The following FN1 variants were observed in gnomAD, a reference collection of about 807,000 sequenced individuals.
FN1 encodes the protein fibronectin.
In FN1, 106 loss-of-function variants were observed where a neutral mutation model predicts 297.3. The observed-to-expected ratio is 0.36, with a 90% CI of 0.30 to 0.42. The LOEUF is 0.42. Ranked by LOEUF, FN1 falls within the 10% of genes least tolerant of loss-of-function variation. The probability of loss-of-function intolerance (pLI) is 1.00; values close to 1 mark genes in which losing one functional copy is unlikely to be tolerated. For missense variants in FN1, 2,690 were observed against 3,124.9 expected (o/e 0.86, Z 3.32); for synonymous variants, 1,149 against 1,152.6 (o/e 1.00, Z 0.06).
intron 12 of FN1, among the ~76,000 whole-genome samples, chr2:215,416,206 G>A (rs1415141144): frequency 2.6e-5 from 4 of 152,102 alleles, no homozygotes; most frequent in African/African-American, 9.7e-5. Context: ...TTCCACACCA[G>A]TAACAATTCA....
chr2:215,434,934 C>CAAAGT, intron 1 of FN1, 110 bp from the exon 2 acceptor site: 8 of 1,253,226 alleles, frequency 6.4e-6, no homozygotes, highest in Non-Finnish European at 9.2e-6. Context: ...TTTAACTTTG[C>CAAAGT]TAAAAGTTAT....
At chr2:215,371,131 G>A (rs1051937996) in intron 40 of FN1, among the ~76,000 whole-genome samples, 9 of 152,014 alleles carry the variant, frequency 5.9e-5, no homozygotes, top group East Asian at 1.9e-4. Context: ...AGCTGGGTGC[G>A]GTGGCACATG....
chr2:215,397,354 T>C (rs1445797746), intron 22 of FN1, 131 bp from the exon 23 acceptor site: 1 of 686,718 alleles, frequency 1.5e-6, no homozygotes, highest in Non-Finnish European at 2.6e-6. Flanking sequence ...AAAATATAGG[T>C]TACATTATGA....
At chr2:215,426,200 G>A (rs1236072447) in intron 6 of FN1, among the ~76,000 whole-genome samples, 1 of 133,910 alleles carries the variant, frequency 7.5e-6, no homozygotes, top group Non-Finnish European at 1.5e-5. Context: ...CCAGGCTGGA[G>A]TGCAGTGGCG....
At chr2:215,400,399 A>G (rs1377405010) in intron 20 of FN1, among the ~76,000 whole-genome samples, 1 of 152,162 alleles carries the variant, frequency 6.6e-6, no homozygotes, top group Non-Finnish European at 1.5e-5. Flanking sequence ...ATCAGGAATT[A>G]TAACAAATTT....
intron 12 of FN1, 127 bp downstream of exon 12, chr2:215,419,115 T>C: frequency 2.7e-6 from 2 of 741,140 alleles, no homozygotes; most frequent in East Asian, 2.7e-5. Context: ...GATTATTAGA[T>C]AATAACAAGA....
intron 41 of FN1, among the ~76,000 whole-genome samples, chr2:215,369,334 A>T (rs1210448621): frequency 1.3e-5 from 2 of 152,192 alleles, no homozygotes; most frequent in Admixed American, 1.3e-4. Context: ...ATTACTGTGG[A>T]TATGTAATAC....
intron 26 of FN1, among the ~76,000 whole-genome samples, chr2:215,389,163 G>T (rs1472329712): frequency 6.6e-6 from 1 of 152,054 alleles, no homozygotes; most frequent in African/African-American, 2.4e-5. Flanking sequence ...GAGTGCAGTG[G>T]TGTGATCTTG....
intron 5 of FN1, 65 bp from the exon 6 acceptor site, chr2:215,428,403 A>G (rs1481162781): frequency 2.8e-6 from 4 of 1,429,566 alleles, no homozygotes; most frequent in Non-Finnish European, 3.9e-6. Context: ...ATTCAAACTT[A>G]AAAAAGGAAT....
chr2:215,384,271 G>T, intron 29 of FN1, 87 bp from the exon 30 acceptor site: 2 of 1,285,622 alleles, frequency 1.6e-6, no homozygotes, highest in Non-Finnish European at 2.3e-6. Context: ...ATTTATAGCA[G>T]CATGTAAATC....
intron 32 of FN1, chr2:215,381,309 C>T (rs1475707453): frequency 5.2e-6 from 3 of 571,830 alleles, no homozygotes; most frequent in Non-Finnish European, 9.4e-6. Flanking sequence ...TAAGCAGATA[C>T]CCTGCAAAAT....
At chr2:215,394,907 T>G (rs1474979934) in intron 23 of FN1, among the ~76,000 whole-genome samples, 188 bp from the exon 24 acceptor site, 1 of 152,118 alleles carries the variant, frequency 6.6e-6, no homozygotes, top group African/African-American at 2.4e-5. Context: ...CACTTTATTT[T>G]TTTATTTTTA....
At chr2:215,426,056 T>C (rs934636457) in intron 6 of FN1, among the ~76,000 whole-genome samples, 9 of 152,212 alleles carry the variant, frequency 5.9e-5, no homozygotes, top group East Asian at 1.9e-4. Context: ...TGTGATTCTA[T>C]TGTGTTTTTT....
At chr2:215,425,764 CAAACTCCTGACCTCAAACT>C (rs1470586725) in intron 6 of FN1, among the ~76,000 whole-genome samples, 6,209 of 150,912 alleles carry the variant, frequency 0.041, 426 homozygotes, top group African/African-American at 0.15. Context: ...GCCATGTTGG[CAAACTCCTGACCTCAAACT>C]CCTGTCTCAA....
intron 3 of FN1, among the ~76,000 whole-genome samples, chr2:215,432,259 G>A (rs541277575): frequency 1.3e-5 from 2 of 152,246 alleles, no homozygotes; most frequent in African/African-American, 4.8e-5. Flanking sequence ...AGAAAAGAAA[G>A]GCTGGGAGGC....
intron 35 of FN1, among the ~76,000 whole-genome samples, chr2:215,377,524 T>TC (rs2057519900): frequency 6.6e-6 from 1 of 151,990 alleles, no homozygotes; most frequent in Non-Finnish European, 1.5e-5. Flanking sequence ...ATGTGCCTGC[T>TC]CCCCCTTGGC....
chr2:215,362,293 A>G (rs574355866), intron 44 of FN1: 5 of 562,192 alleles, frequency 8.9e-6, no homozygotes, highest in Admixed American at 5.7e-5. Flanking sequence ...CTGTCTCTCT[A>G]TGTTGTTTCT....
intron 33 of FN1, chr2:215,380,417 T>G (rs1022901216): frequency 3.9e-6 from 1 of 253,660 alleles, no homozygotes; most frequent in Non-Finnish European, 7.7e-6. Context: ...CCACGTGTGC[T>G]CAGAATCATG....
Position 215,414,887 on chromosome 2 carries a change from T to C in FN1, c.1891A>G (p.Asn631Asp). The change falls in exon 13 of 46, where the codon AAT (asparagine) becomes GAT (aspartate). Residue 631 changes from asparagine (N) to aspartate (D), a missense_variant. Transcript: ENST00000354785. ...SQPNSHPIQWNAPQPSHISKY... is the reference protein window; with the variant it reads ...SQPNSHPIQWDAPQPSHISKY... The stretch of plus-strand genomic sequence containing the variant: ...GAAATGTGAGATGGCTGTGGTGCAT[T>C]CCACTGGATGGGGTGGGAGTTGGGC... 3.1e-6 allele frequency: 5 copies of C among 1,613,758 alleles called. No individual in the cohort carries two copies. The highest frequency in any genetic ancestry group is 4.2e-6 in the Non-Finnish European group (5 of 1,179,726).
Sources: gnomAD v4.1 joint callset for allele counts (sites outside exome capture counted in the v4.1 genomes callset) on GRCh38, gnomAD v4.1.1 for gene constraint, MANE v1.5 for transcripts, NCBI Gene and HGNC (gene_info 2026-07-23, HGNC 2026-07-21) for gene names.